Variants in PLEKHA5 observed in about 807,000 individuals in gnomAD.
PLEKHA5 encodes pleckstrin homology domain-containing family A member 5.
PLEKHA5 carries 55 observed loss-of-function variants against 181.9 expected under a neutral mutation model. The observed-to-expected ratio is 0.30, with a 90% CI of 0.24 to 0.38. The LOEUF is 0.38. Ranked by LOEUF, PLEKHA5 falls within the 10% of genes least tolerant of loss-of-function variation. The probability of loss-of-function intolerance (pLI) is 1.00; values close to 1 mark genes in which losing one functional copy is unlikely to be tolerated. For missense variants in PLEKHA5, 1,432 were observed against 1,549.5 expected, an observed-to-expected ratio of 0.92 and a Z score of 1.27; for synonymous variants, 535 against 529.4, an observed-to-expected ratio of 1.01 and a Z score of -0.15.
chr12:19,292,679 C>T (rs945980539), intron 15 of PLEKHA5, among the ~76,000 whole-genome samples: 2 of 152,188 alleles, frequency 1.3e-5, no homozygotes, highest in Non-Finnish European at 2.9e-5. Flanking sequence ...TGGCTCCCGC[C>T]TGTAATCCCA....
chr12:19,281,606 C>G (rs1346382912), intron 11 of PLEKHA5, among the ~76,000 whole-genome samples: 3 of 151,790 alleles, frequency 2.0e-5, no homozygotes, highest in African/African-American at 4.8e-5. Context: ...TAGGGAAACA[C>G]AAATGCTAAC....
At chr12:19,326,216 T>A (rs929642932) in intron 20 of PLEKHA5, among the ~76,000 whole-genome samples, 1 of 152,198 alleles carries the variant, frequency 6.6e-6, no homozygotes, top group Non-Finnish European at 1.5e-5. Context: ...GAATACAAAC[T>A]ATGTTATTTG....
intron 3 of PLEKHA5, among the ~76,000 whole-genome samples, chr12:19,163,794 G>T (rs1243784681): frequency 6.6e-6 from 1 of 152,054 alleles, no homozygotes; most frequent in African/African-American, 2.4e-5. Context: ...ACACTCAGTG[G>T]CTCTTTAAAT....
intron 10 of PLEKHA5, among the ~76,000 whole-genome samples, chr12:19,270,985 C>A (rs1419608068): frequency 1.3e-5 from 2 of 152,116 alleles, no homozygotes; most frequent in Non-Finnish European, 2.9e-5. Flanking sequence ...GTTACCCAAT[C>A]ACTAGTAATT....
chr12:19,159,363 CAAT>C (rs924646843), intron 3 of PLEKHA5, among the ~76,000 whole-genome samples: 2 of 152,132 alleles, frequency 1.3e-5, no homozygotes, highest in African/African-American at 4.8e-5. Flanking sequence ...TCACTTGAAA[CAAT>C]GATGTATTCA....
intron 3 of PLEKHA5, among the ~76,000 whole-genome samples, chr12:19,178,936 A>T (rs906729281): frequency 6.6e-6 from 1 of 152,240 alleles, no homozygotes; most frequent in African/African-American, 2.4e-5. Context: ...CCTAGAAATC[A>T]TGTATGTCCT....
chr12:19,304,622 G>A (rs913144714), intron 15 of PLEKHA5, among the ~76,000 whole-genome samples: 2 of 152,158 alleles, frequency 1.3e-5, no homozygotes, highest in African/African-American at 4.8e-5. Flanking sequence ...AGAACTGACA[G>A]TAAATCTTCA....
In PLEKHA5 at chr12:19,345,872, T is replaced by C; in HGVS notation, c.2693T>C (p.Val898Ala). Residue 898 changes from valine (V) to alanine (A), a missense_variant, in exon 23 of 32, where the codon GTT becomes GCT. This residue lies in a region of PLEKHA5 where 1,143 missense variants were observed against 1,168.4 expected (regional missense o/e 0.98). Transcript: ENST00000429027. The stretch of plus-strand genomic sequence containing the variant: ...ATAGGATCAAAGCCTTTCTCAACAG[T>C]TAAGTACAAAAATGAGGTAAGTTTG... The part of the protein sequence containing the change: ...GMIGSKPFST[V>A]KYKNEEEEVV... 6.7e-7 allele frequency: 1 copy of C among 1,489,134 alleles called. No homozygotes were observed. The highest frequency in any genetic ancestry group is 9.3e-7 in the Non-Finnish European group (1 of 1,072,680). 92.2% of individuals were successfully genotyped at this position (1,489,134 alleles called of 1,614,324 possible). A position where few individuals can be genotyped will look rare whatever the true frequency, so the allele number is the denominator to read the frequency against.
At chr12:19,253,661 A>G (rs2066017880) in intron 3 of PLEKHA5, among the ~76,000 whole-genome samples, 1 of 151,952 alleles carries the variant, frequency 6.6e-6, no homozygotes, top group Non-Finnish European at 1.5e-5. Flanking sequence ...TACTAAAAAT[A>G]CAAAAAATTA....
chr12:19,299,241 T>C (rs945891684), intron 15 of PLEKHA5, among the ~76,000 whole-genome samples: 1 of 152,224 alleles, frequency 6.6e-6, no homozygotes, highest in Non-Finnish European at 1.5e-5. Flanking sequence ...TGGAATTAAA[T>C]GTACTTTAAA....
chr12:19,314,924 T>G, intron 16 of PLEKHA5, 30 bp downstream of exon 16: 2 of 1,137,758 alleles, frequency 1.8e-6, no homozygotes, highest in Non-Finnish European at 2.6e-6. Context: ...ATGATACTGC[T>G]TTATCATCTG....
rs764084255 is a variant in PLEKHA5, at chr12:19,257,468, A to G, written c.468A>G (p.Gly156=). The G allele has an allele frequency of 7.5e-6, 12 of 1,608,124 alleles. No homozygotes were observed. Among genetic ancestry groups the G allele is most frequent in the Non-Finnish European group, 9.4e-6 (11 of 1,176,076 alleles). Residue 156 remains glycine (G), a synonymous_variant, in exon 6 of 32, where the codon GGA becomes GGG. Coordinates refer to ENST00000429027, the MANE Select transcript of PLEKHA5 (RefSeq NM_001256470.2). ...SRASKKVHNF[G]KRSNSIKRNP... ...CTTCAAAAAAAGTTCATAATTTTGG[A>G]AAGAGGTCAAATTCAATTAAAAGGA...
At position 19,132,491 on chromosome 12, in the gene PLEKHA5, A is replaced by G. The variant is rs201012687; in HGVS notation, c.227+41A>G. 15 of 1,001,012 alleles carry G rather than the reference A, an allele frequency of 1.5e-5. No homozygotes were observed. The Admixed American group carries it at 2.5e-4, about 16-fold the overall frequency. The allele number at this position is 1,001,012 out of a possible 1,614,324, so 62.0% of individuals were successfully genotyped here. On this transcript the variant is annotated intron_variant, in intron 3 of 31. Transcript: ENST00000429027. The stretch of plus-strand genomic sequence containing the variant: ...TTCATTTTTTTCCTTCGTAATTAGA[A>G]TGCTGTGATTACTCCTCAGCTGAAT...
At chr12:19,351,995 G>C (rs1404993938) in intron 25 of PLEKHA5, among the ~76,000 whole-genome samples, 1 of 146,750 alleles carries the variant, frequency 6.8e-6, no homozygotes, top group Non-Finnish European at 1.5e-5. Flanking sequence ...AGAATCGCTT[G>C]AATGCAGGAA....
chr12:19,371,695 T>G (rs2153328479), intron 31 of PLEKHA5: 1 of 152,672 alleles, frequency 6.5e-6, no homozygotes, highest in South Asian at 2.1e-4. Flanking sequence ...CCACATTTTC[T>G]TTATCCACTC....
At chr12:19,207,052 T>TC (rs1386612511) in intron 3 of PLEKHA5, among the ~76,000 whole-genome samples, 1 of 152,174 alleles carries the variant, frequency 6.6e-6, no homozygotes, top group Non-Finnish European at 1.5e-5. Flanking sequence ...TAAATTTTTT[T>TC]CAACTAAAAT....
chr12:19,261,080 A>C, intron 7 of PLEKHA5, 59 bp downstream of exon 7: 1 of 878,756 alleles, frequency 1.1e-6, no homozygotes. Flanking sequence ...ATATAAGTTA[A>C]GTATCAGATA....
chr12:19,248,394 C>T (rs1017199707), intron 3 of PLEKHA5, among the ~76,000 whole-genome samples: 2 of 152,038 alleles, frequency 1.3e-5, no homozygotes, highest in African/African-American at 4.8e-5. Flanking sequence ...GACAGGGTTT[C>T]GCCATGTTGT....
At chr12:19,164,782 A>G (rs1305341004) in intron 3 of PLEKHA5, among the ~76,000 whole-genome samples, 1 of 152,062 alleles carries the variant, frequency 6.6e-6, no homozygotes, top group African/African-American at 2.4e-5. Flanking sequence ...TTCAATATGT[A>G]TCATCCACAG....
Sources: allele counts gnomAD v4.1 joint callset (sites outside exome capture counted in the v4.1 genomes callset), GRCh38; gene constraint gnomAD v4.1.1; regional missense constraint gnomAD v4.1.1; transcripts MANE v1.5; gene names NCBI Gene and HGNC (gene_info 2026-07-23, HGNC 2026-07-21).